The following MTMR3 variants were observed in gnomAD, a reference collection of about 807,000 sequenced individuals.
MTMR3 encodes the protein myotubularin related protein 3.
A neutral mutation model predicts 132.4 loss-of-function variants in MTMR3; 32 were observed. The observed-to-expected ratio is 0.24, with a 90% confidence interval of 0.18 to 0.32. The LOEUF is 0.32. Among genes scored for constraint, MTMR3 ranks in the 10% least tolerant of loss-of-function variants. The probability of loss-of-function intolerance (pLI) is 1.00; values close to 1 mark genes in which losing one functional copy is unlikely to be tolerated. For synonymous variants in MTMR3, 556 were observed against 550.3 expected (o/e 1.01, Z -0.14); for missense variants, 1,216 against 1,489.6 (o/e 0.82, Z 3.02).
chr22:29,889,580 C>G (rs184800634), intron 1 of MTMR3, among the ~76,000 whole-genome samples: 3 of 151,888 alleles, frequency 2.0e-5, no homozygotes, highest in Non-Finnish European at 4.4e-5. Context: ...AGCCACTGCA[C>G]CTGGCCCAGA....
chr22:29,902,155 A>T (rs73396818), intron 1 of MTMR3, among the ~76,000 whole-genome samples: 5,624 of 152,158 alleles, frequency 0.037, 369 homozygotes, highest in African/African-American at 0.13. Context: ...TTGGTAAACT[A>T]CCCTAAAAAA....
intron 7 of MTMR3, chr22:29,994,994 A>G (rs2067033814): frequency 2.0e-5 from 3 of 152,268 alleles, no homozygotes. Context: ...CCTGCTCCTC[A>G]TTGCAATTGA....
At chr22:29,930,718 T>C (rs1235804683) in intron 1 of MTMR3, among the ~76,000 whole-genome samples, 2 of 151,334 alleles carry the variant, frequency 1.3e-5, no homozygotes, top group Non-Finnish European at 2.9e-5. Flanking sequence ...TATGAATTTT[T>C]GACTGGGTAC....
At chr22:30,005,137 A>C (rs1276975669) in intron 9 of MTMR3, 1 of 152,180 alleles carries the variant, frequency 6.6e-6, no homozygotes, top group Non-Finnish European at 1.5e-5. Context: ...TACTTAAGAC[A>C]ATTCTGTTCC....
chr22:29,979,417 G>A lies in MTMR3; in HGVS notation c.210+365G>A, dbSNP rs375007567. The A allele has an allele frequency of 1.1e-3, 228 of 214,500 alleles. 4 individuals carry two copies. The South Asian group carries it at 0.013, about 13-fold the overall frequency. 13.3% of individuals were successfully genotyped at this position (214,500 alleles called of 1,614,324 possible). A position where few individuals can be genotyped will look rare whatever the true frequency, so the allele number is the denominator to read the frequency against. ...TGAGTCAGGAGAATGGCATGAACCCGGGAGGTGGAGCTGGCAGTGAGCCAA... is the reference window on the plus strand; with the variant it reads ...TGAGTCAGGAGAATGGCATGAACCCAGGAGGTGGAGCTGGCAGTGAGCCAA... On this transcript the variant is annotated intron_variant, in intron 5 of 19. Transcript: ENST00000401950.
At chr22:29,917,962 T>TTG (rs1359816592) in intron 1 of MTMR3, among the ~76,000 whole-genome samples, 2 of 152,242 alleles carry the variant, frequency 1.3e-5, no homozygotes, top group African/African-American at 4.8e-5. Context: ...AAGGGATTAC[T>TTG]TGATACAGAG....
chr22:29,960,657 T>A (rs528241391), intron 2 of MTMR3, among the ~76,000 whole-genome samples: 2 of 152,332 alleles, frequency 1.3e-5, no homozygotes, highest in Admixed American at 1.3e-4. Context: ...ATATCTTAAT[T>A]CTCACAATTC....
In MTMR3 at chr22:29,918,834, A is replaced by G. The variant is rs115198864; in HGVS notation, c.-138+35475A>G. Reference sequence around the variant, plus strand: ...CTGGTTGTGGATTCTAAAAGGTAGAAGGACAAAATATTATTTGCCTTTAAG... The same window carrying G: ...CTGGTTGTGGATTCTAAAAGGTAGAGGGACAAAATATTATTTGCCTTTAAG... On this transcript the variant is annotated intron_variant, in intron 1 of 19. Transcript: ENST00000401950. 1.0e-2 allele frequency among the ~76,000 whole-genome samples: 1,520 copies of G among 152,350 alleles called. 22 individuals are homozygous for G. Among genetic ancestry groups the G allele is most frequent in the African/African-American group, 0.035 (1,442 of 41,578 alleles).
rs1435793837 is a variant in MTMR3, at chr22:29,910,224, T to C, written c.-138+26865T>C. The stretch of plus-strand genomic sequence containing the variant: ...TTATAGGTACCCACACACCACTGAA[T>C]GTAGGTCATCGTTTAAAATCTGAGT... On this transcript the variant is annotated intron_variant, in intron 1 of 19. Coordinates refer to ENST00000401950, the MANE Select transcript of MTMR3 (RefSeq NM_021090.4). Among the ~76,000 whole-genome samples, 5 of 151,626 alleles carry C rather than the reference T, an allele frequency of 3.3e-5. No individual in the cohort carries two copies. In the East Asian group the frequency reaches 7.7e-4, roughly 23 times the overall value.
At chr22:29,948,799 TA>T (rs35433786) in intron 1 of MTMR3, among the ~76,000 whole-genome samples, 21 of 145,458 alleles carry the variant, frequency 1.4e-4, no homozygotes, top group Admixed American at 2.1e-4. Flanking sequence ...TATTATTGTC[TA>T]AAAAAAAAAA....
intron 2 of MTMR3, among the ~76,000 whole-genome samples, chr22:29,969,765 C>T (rs1451284784): frequency 2.0e-5 from 3 of 152,068 alleles, no homozygotes; most frequent in South Asian, 4.1e-4. Flanking sequence ...CTCCTGACCT[C>T]GTGATCTGCC....
Position 30,019,552 on chromosome 22 carries a change from C to G in MTMR3, c.1893C>G (p.Arg631=), listed in dbSNP as rs770354829. The stretch of plus-strand genomic sequence containing the variant: ...ACACAGTGCCTCTGGCCAGCCGGCG[C>G]TGCAGCGACCCCAGCCTGAACGAGA... ...CDNTVPLASR[R]CSDPSLNEKW... Residue 631 remains arginine (R), a synonymous_variant, in exon 17 of 20, where the codon CGC becomes CGG. Coordinates refer to ENST00000401950, the MANE Select transcript of MTMR3 (RefSeq NM_021090.4). 5 of 1,613,190 alleles carry G rather than the reference C, an allele frequency of 3.1e-6. No individual in the cohort carries two copies. In the African/African-American group the frequency reaches 4.0e-5, roughly 13 times the overall value.
intron 7 of MTMR3, chr22:29,994,203 A>T (rs867084522): frequency 7.5e-6 from 7 of 933,822 alleles, no homozygotes; most frequent in Middle Eastern, 5.4e-4. Context: ...GCTAGAGATT[A>T]TGAGTAAGGG....
chr22:29,946,185 A>G (rs1039306477), intron 1 of MTMR3, among the ~76,000 whole-genome samples: 1 of 152,188 alleles, frequency 6.6e-6, no homozygotes, highest in Admixed American at 6.5e-5. Context: ...AGATTTTGTC[A>G]TTGGAAATAG....
chr22:29,937,996 T>TG (rs2065783559), intron 1 of MTMR3, among the ~76,000 whole-genome samples: 1 of 152,178 alleles, frequency 6.6e-6, no homozygotes, highest in Non-Finnish European at 1.5e-5. Context: ...TTGAAATAGC[T>TG]GCATAAACTA....
chr22:29,997,412 C>G (rs1476401394), intron 7 of MTMR3: 1 of 152,194 alleles, frequency 6.6e-6, no homozygotes, highest in African/African-American at 2.4e-5. Context: ...TGGTTTCTTC[C>G]AGCCCTGCTA....
chr22:30,007,722 C>A, intron 10 of MTMR3, 179 bp from the exon 11 acceptor site: 1 of 708,240 alleles, frequency 1.4e-6, no homozygotes, highest in Non-Finnish European at 2.3e-6. Context: ...TCCTTCTCAT[C>A]TTTCATAAGA....
intron 13 of MTMR3, chr22:30,013,135 C>T: frequency 2.6e-6 from 1 of 381,120 alleles, no homozygotes; most frequent in Non-Finnish European, 4.7e-6. Context: ...TAGATAAACG[C>T]AGTCAGTACC....
At chr22:29,924,014 C>T (rs918610703) in intron 1 of MTMR3, among the ~76,000 whole-genome samples, 3 of 152,104 alleles carry the variant, frequency 2.0e-5, no homozygotes, top group African/African-American at 7.2e-5. Flanking sequence ...GTTGATAGTG[C>T]CCTTTGGTGC....
Sources: allele counts gnomAD v4.1 joint callset (sites outside exome capture counted in the v4.1 genomes callset), GRCh38; gene constraint gnomAD v4.1.1; transcripts MANE v1.5; gene names NCBI Gene and HGNC (gene_info 2026-07-23, HGNC 2026-07-21).